LRRC4C: variants seen among roughly 807,000 people sequenced by gnomAD.
LRRC4C encodes leucine-rich repeat-containing protein 4C.
In LRRC4C, 5 loss-of-function variants were observed where a neutral mutation model predicts 33.6. That is an observed-to-expected ratio of 0.15 (90% CI 0.08 to 0.31). The LOEUF (loss-of-function observed/expected upper bound fraction) is 0.31. Ranked by LOEUF, LRRC4C falls within the 10% of genes least tolerant of loss-of-function variation. The pLI is 1.00. For missense variants in LRRC4C, 560 were observed against 796.7 expected, an observed-to-expected ratio of 0.70 and a Z score of 3.58; for synonymous variants, 329 against 302.0, an observed-to-expected ratio of 1.09 and a Z score of -0.93.
chr11:40,492,105 G>A (rs1045488585), intron 3 of LRRC4C, among the ~76,000 whole-genome samples: 8 of 152,290 alleles, frequency 5.3e-5, no homozygotes, highest in Middle Eastern at 6.8e-3. Context: ...TACAAAATAA[G>A]AGGTTAGTAA....
chr11:40,383,990 G>C (rs2137380831), intron 3 of LRRC4C, among the ~76,000 whole-genome samples: 1 of 146,660 alleles, frequency 6.8e-6, no homozygotes, highest in East Asian at 2.0e-4. Flanking sequence ...ATATATTTTG[G>C]ATATTAATCC....
intron 1 of LRRC4C, among the ~76,000 whole-genome samples, chr11:41,249,948 G>A (rs1259815947): frequency 6.6e-6 from 1 of 151,910 alleles, no homozygotes; most frequent in Non-Finnish European, 1.5e-5. Context: ...CTGATCACCT[G>A]AGGTCAGGAG....
chr11:41,146,348 T>C (rs1377561097), intron 1 of LRRC4C, among the ~76,000 whole-genome samples: 1 of 152,214 alleles, frequency 6.6e-6, no homozygotes, highest in African/African-American at 2.4e-5. Flanking sequence ...GACTGAACTG[T>C]CTGTGGATGA....
intron 2 of LRRC4C, among the ~76,000 whole-genome samples, chr11:40,831,882 G>T (rs925048109): frequency 6.6e-6 from 1 of 152,100 alleles, no homozygotes; most frequent in Non-Finnish European, 1.5e-5. Flanking sequence ...GACACATGGG[G>T]ATTATAAGGT....
intron 2 of LRRC4C, among the ~76,000 whole-genome samples, chr11:40,693,375 T>C (rs78793299): frequency 0.017 from 2,582 of 152,220 alleles, 72 homozygotes; most frequent in African/African-American, 0.058. Flanking sequence ...ATAACAGACA[T>C]TGAGTTTTTA....
At chr11:40,964,253 A>T (rs538531482) in intron 1 of LRRC4C, among the ~76,000 whole-genome samples, 1 of 151,916 alleles carries the variant, frequency 6.6e-6, no homozygotes, top group South Asian at 2.1e-4. Context: ...TTTATATCAG[A>T]CATCACGCTG....
At position 41,122,299 on chromosome 11, in the gene LRRC4C, G is replaced by A. The variant is rs539012127; in HGVS notation, c.-495-188576C>T. Among the ~76,000 whole-genome samples, 27 of 152,056 alleles carry A rather than the reference G, an allele frequency of 1.8e-4. No homozygotes were observed. In the South Asian group the frequency reaches 4.8e-3, roughly 27 times the overall value. ...CCCGCCAGATTCAGATAGTTCTGTC[G>A]GGAAACAAGTCTACCCTCAAGTTTT... On this transcript the variant is annotated intron_variant, in intron 1 of 6. Transcript: ENST00000528697.
chr11:40,350,827 A>C (rs1057380074), intron 3 of LRRC4C, among the ~76,000 whole-genome samples: 1 of 151,802 alleles, frequency 6.6e-6, no homozygotes, highest in Non-Finnish European at 1.5e-5. Context: ...GTTAATTTTT[A>C]AGTATTTTCT....
chr11:40,592,270 A>C (rs1181827338), intron 3 of LRRC4C, among the ~76,000 whole-genome samples: 2 of 152,208 alleles, frequency 1.3e-5, no homozygotes, highest in East Asian at 3.9e-4. Context: ...GGTTTTCTCT[A>C]TGAATGGATA....
chr11:41,370,132 C>G (rs1952689390), intron 1 of LRRC4C, among the ~76,000 whole-genome samples: 1 of 152,104 alleles, frequency 6.6e-6, no homozygotes, highest in Non-Finnish European at 1.5e-5. Context: ...AAAATCTCAT[C>G]TGGTATAATT....
intron 1 of LRRC4C, among the ~76,000 whole-genome samples, chr11:41,434,275 T>TG (rs1955346747): frequency 6.6e-6 from 1 of 152,086 alleles, no homozygotes; most frequent in Non-Finnish European, 1.5e-5. Context: ...TCATACTTGG[T>TG]GGGGTCAAGG....
intron 1 of LRRC4C, among the ~76,000 whole-genome samples, chr11:41,197,943 C>T (rs867766079): frequency 1.3e-5 from 2 of 152,030 alleles, no homozygotes; most frequent in South Asian, 4.1e-4. Context: ...ACTACCTCCT[C>T]GTCACTGCCA....
intron 3 of LRRC4C, among the ~76,000 whole-genome samples, chr11:40,619,468 A>G (rs557573448): frequency 6.6e-6 from 1 of 151,816 alleles, no homozygotes; most frequent in African/African-American, 2.4e-5. Flanking sequence ...AAGAAGACTG[A>G]ACAGATACTC....
chr11:40,828,365 G>T (rs1337914417), intron 2 of LRRC4C, among the ~76,000 whole-genome samples: 1 of 151,598 alleles, frequency 6.6e-6, no homozygotes, highest in Admixed American at 6.6e-5. Flanking sequence ...ACCCTCTCCT[G>T]ATTTCTACAA....
chr11:41,110,427 T>A (rs1391138926), intron 1 of LRRC4C, among the ~76,000 whole-genome samples: 1 of 152,026 alleles, frequency 6.6e-6, no homozygotes, highest in Non-Finnish European at 1.5e-5. Context: ...TAAAAATGAG[T>A]AAACTAAGAC....
intron 1 of LRRC4C, among the ~76,000 whole-genome samples, chr11:41,069,767 G>C (rs541237500): frequency 6.6e-6 from 1 of 152,120 alleles, no homozygotes; most frequent in Admixed American, 6.5e-5. Context: ...AAATAAGAGA[G>C]GACACAAACA....
At chr11:40,193,652 C>T (rs1038800374) in intron 5 of LRRC4C, among the ~76,000 whole-genome samples, 4 of 152,086 alleles carry the variant, frequency 2.6e-5, no homozygotes, top group Non-Finnish European at 5.9e-5. Flanking sequence ...TAATAACAAA[C>T]TCATCCAAGC....
chr11:40,511,460 C>T (rs1383062386), intron 3 of LRRC4C, among the ~76,000 whole-genome samples: 8 of 152,114 alleles, frequency 5.3e-5, no homozygotes, highest in African/African-American at 1.4e-4. Context: ...ACTAAAATTG[C>T]TATGGACCAG....
chr11:40,368,043 G>A (rs1948289104), intron 3 of LRRC4C, among the ~76,000 whole-genome samples: 1 of 152,070 alleles, frequency 6.6e-6, no homozygotes, highest in African/African-American at 2.4e-5. Context: ...TCATCAGACT[G>A]TTTTTTGTTG....
Sources: gnomAD v4.1 joint callset for allele counts (sites outside exome capture counted in the v4.1 genomes callset) on GRCh38, gnomAD v4.1.1 for gene constraint, MANE v1.5 for transcripts, NCBI Gene and HGNC (gene_info 2026-07-23, HGNC 2026-07-21) for gene names.